EPB41L2: variants seen among roughly 807,000 people sequenced by gnomAD.
EPB41L2 encodes the protein erythrocyte membrane protein band 4.1 like 2, also known as band 4.1-like protein 2.
EPB41L2 carries 43 observed loss-of-function variants against 113.0 expected under a neutral mutation model. The ratio of observed to expected loss-of-function variants is 0.38; its 90% CI spans 0.30 to 0.49. EPB41L2 has a LOEUF of 0.49. Ranked by LOEUF, EPB41L2 falls within the 20% of genes least tolerant of loss-of-function variation. EPB41L2 has a pLI of 0.95. For synonymous variants in EPB41L2, 442 were observed against 436.7 expected (o/e 1.01, Z -0.15); for missense variants, 1,147 against 1,223.4 (o/e 0.94, Z 0.93).
At chr6:130,856,180 A>G (rs905282598) in intron 19 of EPB41L2, among the ~76,000 whole-genome samples, 10 of 152,372 alleles carry the variant, frequency 6.6e-5, no homozygotes, top group Non-Finnish European at 1.5e-4. Context: ...TACATAAAAA[A>G]TATCTTTATC....
Position 130,954,054 on chromosome 6 carries a change from T to C in EPB41L2, c.705+1051A>G, listed in dbSNP as rs1372840836. ...TCCTTTTCTTTCTTTTTTTTTTTTT[T>C]TTTTTTTTTTTTTTTTGAGACGGAG... is the stretch of plus-strand genomic sequence containing the variant. On this transcript the variant is annotated intron_variant, in intron 3 of 19. Transcript: ENST00000337057. Among the ~76,000 whole-genome samples the C allele has an allele frequency of 1.0e-3, 106 of 102,914 alleles. 1 individual carries two copies. The highest frequency in any genetic ancestry group is 4.4e-3 in the Middle Eastern group (1 of 228). 67.5% of individuals were successfully genotyped at this position (102,914 alleles called of 152,430 possible).
chr6:131,032,625 GA>G (rs1224064573), intron 1 of EPB41L2, among the ~76,000 whole-genome samples: 1 of 151,878 alleles, frequency 6.6e-6, no homozygotes, highest in Non-Finnish European at 1.5e-5. Flanking sequence ...AAAAGTAACA[GA>G]AAAAAATTCT....
intron 13 of EPB41L2, among the ~76,000 whole-genome samples, chr6:130,879,355 T>C (rs1036796611): frequency 1.1e-4 from 16 of 152,206 alleles, no homozygotes; most frequent in African/African-American, 3.6e-4. Context: ...TGTTACTTAT[T>C]ACACTGTACA....
At chr6:130,964,597 G>C (rs540400497) in intron 1 of EPB41L2, among the ~76,000 whole-genome samples, 11 of 151,722 alleles carry the variant, frequency 7.3e-5, no homozygotes, top group African/African-American at 2.4e-4. Flanking sequence ...CATAATAAAT[G>C]ATCAGCTACT....
chr6:130,872,637 A>C, intron 14 of EPB41L2: 1 of 753,922 alleles, frequency 1.3e-6, no homozygotes, highest in South Asian at 2.0e-5. Flanking sequence ...AAGAAAGAAC[A>C]ACAGAACAGC....
rs552248781 is a variant in EPB41L2 at position 130,937,833 on chromosome 6, A to AAAAAAG, written c.706-11125_706-11124insCTTTTT. Among the ~76,000 whole-genome samples the AAAAAAG allele has an allele frequency of 4.0e-5, 6 of 150,380 alleles. 1 individual carries two copies. The highest frequency in any genetic ancestry group is 1.3e-4 in the African/African-American group (5 of 39,818). On this transcript the variant is annotated intron_variant, in intron 3 of 19. Transcript: ENST00000337057. Reference sequence around the variant, plus strand: ...TCCATCTCAAAAAGAAAAAAAAAAAAAAGATTAACACAGCCTGCTAAAATA... The same window carrying AAAAAAG: ...TCCATCTCAAAAAGAAAAAAAAAAAAAAAAAGAAGATTAACACAGCCTGCTAAAATA...
chr6:130,886,333 G>T (rs774758118), intron 11 of EPB41L2, among the ~76,000 whole-genome samples: 1 of 152,082 alleles, frequency 6.6e-6, no homozygotes, highest in African/African-American at 2.4e-5. Context: ...TTCTTTTCCA[G>T]TCTTGCCCTT....
chr6:130,983,034 A>G (rs1220285083), intron 1 of EPB41L2, among the ~76,000 whole-genome samples: 2 of 152,200 alleles, frequency 1.3e-5, no homozygotes, highest in African/African-American at 4.8e-5. Flanking sequence ...TATAGCCTCA[A>G]CTACAAAAAG....
chr6:130,886,639 G>GT (rs1554258091), intron 11 of EPB41L2, among the ~76,000 whole-genome samples: 52 of 151,542 alleles, frequency 3.4e-4, no homozygotes, highest in South Asian at 6.3e-4. Flanking sequence ...TGTTGTTGTT[G>GT]TTGTTTGTTT....
intron 1 of EPB41L2, among the ~76,000 whole-genome samples, chr6:130,961,197 T>C (rs1377707002): frequency 6.6e-6 from 1 of 152,216 alleles, no homozygotes; most frequent in Non-Finnish European, 1.5e-5. Context: ...CATTAAGTAA[T>C]GATCTTTCTA....
intron 1 of EPB41L2, among the ~76,000 whole-genome samples, chr6:131,024,936 TC>T: frequency 6.6e-6 from 1 of 152,340 alleles, no homozygotes; most frequent in South Asian, 2.1e-4. Context: ...CCCTTTATTC[TC>T]CTAAGAACAG....
rs1335941999 is a variant in EPB41L2 at position 130,895,040 on chromosome 6, C to A, written c.1316G>T (p.Arg439Leu). 6.2e-7 allele frequency: 1 copy of A among 1,613,848 alleles called. No individual in the cohort carries two copies. The highest frequency in any genetic ancestry group is 8.5e-7 in the Non-Finnish European group (1 of 1,179,920). ...TTTTAAGATTTTCGGCCAAGCAAAA[C>A]GATTGATTCGCAGTCTGTCTTTGTA... ...LIYKDRLRIN[R>L]FAWPKILKIS... Residue 439 changes from arginine (R) to leucine (L), a missense_variant, in exon 9 of 20, where the codon CGT becomes CTT. Coordinates refer to ENST00000337057, the MANE Select transcript of EPB41L2 (RefSeq NM_001431.4).
chr6:131,002,040 T>C (rs1784469052), intron 1 of EPB41L2, among the ~76,000 whole-genome samples: 2 of 152,214 alleles, frequency 1.3e-5, no homozygotes, highest in Admixed American at 6.5e-5. Flanking sequence ...CCGTCACATA[T>C]AGATTTGTCT....
chr6:130,980,235 A>G (rs1779090557), intron 1 of EPB41L2, among the ~76,000 whole-genome samples: 1 of 151,894 alleles, frequency 6.6e-6, no homozygotes, highest in Non-Finnish European at 1.5e-5. Flanking sequence ...GTGTAAATTA[A>G]TATCTGAAGT....
chr6:130,863,260 T>A (rs1204632643), intron 18 of EPB41L2, among the ~76,000 whole-genome samples: 3 of 152,226 alleles, frequency 2.0e-5, no homozygotes, highest in African/African-American at 7.2e-5. Context: ...TTCCTAAAAG[T>A]AGGCATAGGT....
intron 19 of EPB41L2, among the ~76,000 whole-genome samples, chr6:130,841,331 T>C (rs1304457872): frequency 2.0e-5 from 3 of 151,882 alleles, no homozygotes; most frequent in African/African-American, 7.3e-5. Context: ...GATAGAAGAC[T>C]GGTCAAAGAA....
intron 11 of EPB41L2, among the ~76,000 whole-genome samples, chr6:130,887,730 A>G (rs1791513253): frequency 6.6e-6 from 1 of 152,164 alleles, no homozygotes; most frequent in East Asian, 1.9e-4. Flanking sequence ...TCAAGTCTCA[A>G]CTGACCTGGT....
intron 1 of EPB41L2, among the ~76,000 whole-genome samples, chr6:131,018,148 A>G (rs1014428680): frequency 2.0e-5 from 3 of 152,314 alleles, no homozygotes; most frequent in Admixed American, 6.5e-5. Flanking sequence ...TGTTGTACAC[A>G]GTCAAGGATG....
At chr6:131,056,585 G>A (rs1353781781) in intron 1 of EPB41L2, among the ~76,000 whole-genome samples, 1 of 152,128 alleles carries the variant, frequency 6.6e-6, no homozygotes, top group African/African-American at 2.4e-5. Context: ...CCTGACCACT[G>A]CAAAAAATCT....
Sources: gnomAD v4.1 joint callset for allele counts (sites outside exome capture counted in the v4.1 genomes callset) on GRCh38, gnomAD v4.1.1 for gene constraint, MANE v1.5 for transcripts, NCBI Gene and HGNC (gene_info 2026-07-23, HGNC 2026-07-21) for gene names.